Variants in ACSL4 observed in about 807,000 individuals in gnomAD.
The protein encoded by ACSL4 is acyl-CoA synthetase long chain family member 4.
Under a neutral mutation model 49.1 loss-of-function variants are expected in ACSL4, and 9 were observed. The observed-to-expected ratio is 0.18, with a 90% CI of 0.11 to 0.32. ACSL4 has a LOEUF of 0.32. Among genes scored for constraint, ACSL4 ranks in the 10% least tolerant of loss-of-function variants. The pLI, the probability that ACSL4 is intolerant of heterozygous loss-of-function variation, is 1.00. For missense variants in ACSL4, 333 were observed against 493.7 expected (o/e 0.67, Z 3.08); for synonymous variants, 191 against 170.3 (o/e 1.12, Z -0.95).
intron 9 of ACSL4, among the ~76,000 whole-genome samples, chrX:109,671,340 G>A (rs1482886924): frequency 1.8e-5 from 2 of 109,382 alleles, no homozygotes; most frequent in East Asian, 2.9e-4. Context: ...GATGAGGAGC[G>A]TCTCTGACCG....
intron 3 of ACSL4, 25 bp from the exon 4 acceptor site, chrX:109,682,921 T>C: frequency 1.7e-6 from 2 of 1,173,850 alleles, no homozygotes; most frequent in Non-Finnish European, 2.3e-6. Flanking sequence ...CATTCTCTAA[T>C]ATTAGTATAT....
intron 2 of ACSL4, among the ~76,000 whole-genome samples, chrX:109,686,408 AAAAGAGTACCAT>A (rs1383597043): frequency 8.9e-6 from 1 of 112,390 alleles, no homozygotes; most frequent in African/African-American, 3.2e-5. Context: ...CTGGTAATAT[AAAAGAGTACCAT>A]AAAGAAACTA....
At chrX:109,663,524 T>C (rs889508056) in intron 12 of ACSL4, 122 bp from the exon 13 acceptor site, 1 of 614,120 alleles carries the variant, frequency 1.6e-6, no homozygotes, top group African/African-American at 2.3e-5. Flanking sequence ...GAGAGAACAT[T>C]AGTTTATATT....
intron 11 of ACSL4, 51 bp from the exon 12 acceptor site, chrX:109,665,545 T>C (rs1922560491): frequency 3.0e-6 from 3 of 1,005,921 alleles, no homozygotes; most frequent in East Asian, 6.1e-5. Context: ...TCCAGATTTG[T>C]ACCAATGCAC....
intron 1 of ACSL4, among the ~76,000 whole-genome samples, chrX:109,707,504 G>A (rs938958967): frequency 1.8e-5 from 2 of 111,467 alleles, no homozygotes; most frequent in Non-Finnish European, 3.8e-5. Flanking sequence ...TCAAACTTTC[G>A]GGCACCAGAG....
At chrX:109,729,046 T>C (rs1207173910) in intron 1 of ACSL4, among the ~76,000 whole-genome samples, 2 of 78,913 alleles carry the variant, frequency 2.5e-5, no homozygotes, top group Admixed American at 2.6e-4. Context: ...CTGTCTCTAC[T>C]AAAAATACAA....
intron 4 of ACSL4, 97 bp from the exon 5 acceptor site, chrX:109,681,472 C>T: frequency 5.0e-6 from 3 of 598,223 alleles, no homozygotes; most frequent in Non-Finnish European, 5.4e-6. Context: ...CACTTAGAGA[C>T]ACAAAGACAT....
intron 13 of ACSL4, among the ~76,000 whole-genome samples, chrX:109,662,688 T>C (rs764583302): frequency 9.0e-6 from 1 of 111,291 alleles, no homozygotes; most frequent in East Asian, 2.8e-4. Context: ...TGCTAAGGAT[T>C]GATATTAATT....
intron 1 of ACSL4, among the ~76,000 whole-genome samples, chrX:109,715,626 A>C (rs1291441772): frequency 9.0e-6 from 1 of 110,704 alleles, no homozygotes; most frequent in Non-Finnish European, 1.9e-5. Flanking sequence ...ATCTCAAAAA[A>C]ATAAAATTAT....
intron 15 of ACSL4, among the ~76,000 whole-genome samples, chrX:109,650,579 G>A (rs1208219370): frequency 7.4e-5 from 8 of 108,794 alleles, no homozygotes; most frequent in South Asian, 8.2e-4. Context: ...CCTAATGCTA[G>A]ATGACAAGTT....
At chrX:109,733,008 A>G in intron 1 of ACSL4, 131 bp downstream of exon 1, 1 of 330,270 alleles carries the variant, frequency 3.0e-6, no homozygotes, top group Non-Finnish European at 5.9e-6. Flanking sequence ...AGCCGACTCC[A>G]GGAGCTGGAA....
chrX:109,678,894 CTCTG>C (rs941480928), intron 6 of ACSL4, among the ~76,000 whole-genome samples: 1 of 112,176 alleles, frequency 8.9e-6, no homozygotes, highest in Admixed American at 9.4e-5. Context: ...TTAACCTAAT[CTCTG>C]TCTGTGCATT....
At chrX:109,684,139 AT>A (rs1924404170) in intron 2 of ACSL4, among the ~76,000 whole-genome samples, 1 of 111,777 alleles carries the variant, frequency 8.9e-6, no homozygotes, top group African/African-American at 3.3e-5. Flanking sequence ...ATCAACTTAG[AT>A]TTATTTCTCA....
chrX:109,692,709 T>C (rs1038829011), intron 2 of ACSL4, among the ~76,000 whole-genome samples: 1 of 112,187 alleles, frequency 8.9e-6, no homozygotes, highest in African/African-American at 3.2e-5. Flanking sequence ...CTGCCCATTG[T>C]ACCACAGTGC....
intron 15 of ACSL4, among the ~76,000 whole-genome samples, chrX:109,645,297 G>A (rs1465825393): frequency 8.9e-6 from 1 of 112,311 alleles, no homozygotes; most frequent in East Asian, 2.8e-4. Context: ...AGAGATCAGT[G>A]GTTCTCCCAG....
intron 15 of ACSL4, among the ~76,000 whole-genome samples, chrX:109,644,828 A>C (rs765782524): frequency 8.9e-6 from 1 of 112,050 alleles, no homozygotes; most frequent in Non-Finnish European, 1.9e-5. Flanking sequence ...TGTGCGCACC[A>C]TGCGCGAGCC....
intron 13 of ACSL4, 86 bp downstream of exon 13, chrX:109,663,125 C>A: frequency 1.1e-6 from 1 of 879,439 alleles, no homozygotes; most frequent in Non-Finnish European, 1.6e-6. Context: ...GAACCATCAA[C>A]TTTATTAATG....
intron 1 of ACSL4, among the ~76,000 whole-genome samples, chrX:109,702,231 A>C (rs1387105891): frequency 9.0e-6 from 1 of 111,320 alleles, no homozygotes; most frequent in Non-Finnish European, 1.9e-5. Context: ...AAACAAAAAC[A>C]AAAACAAAAA....
intron 9 of ACSL4, among the ~76,000 whole-genome samples, chrX:109,670,136 T>C (rs1287705337): frequency 8.9e-6 from 1 of 112,593 alleles, no homozygotes; most frequent in African/African-American, 3.2e-5. Flanking sequence ...AATTATTACA[T>C]AAAGCACATC....
Sources: allele counts gnomAD v4.1 joint callset (sites outside exome capture counted in the v4.1 genomes callset), GRCh38; gene constraint gnomAD v4.1.1; transcripts MANE v1.5; gene names NCBI Gene and HGNC (gene_info 2026-07-23, HGNC 2026-07-21).